GATAD2B: variants seen among roughly 807,000 people sequenced by gnomAD.
GATAD2B encodes transcriptional repressor p66-beta.
A neutral mutation model predicts 64.3 loss-of-function variants in GATAD2B; 8 were observed. That is an observed-to-expected ratio of 0.12 (90% CI 0.07 to 0.22). The LOEUF is 0.22. Ranked by LOEUF, GATAD2B falls within the 10% of genes least tolerant of loss-of-function variation. The pLI, the probability that GATAD2B is intolerant of heterozygous loss-of-function variation, is 1.00. For synonymous variants in GATAD2B, 281 were observed against 271.3 expected (o/e 1.04, Z -0.35); for missense variants, 453 against 752.0 (o/e 0.60, Z 4.65).
intron 1 of GATAD2B, among the ~76,000 whole-genome samples, chr1:153,905,187 A>C (rs1050203181): frequency 2.6e-5 from 4 of 152,074 alleles, no homozygotes; most frequent in African/African-American, 9.7e-5. Flanking sequence ...CAGCCTGACC[A>C]ATATGGTGAA....
At chr1:153,920,812 T>C (rs1678407390) in intron 1 of GATAD2B, among the ~76,000 whole-genome samples, 2 of 152,188 alleles carry the variant, frequency 1.3e-5, no homozygotes, top group Non-Finnish European at 2.9e-5. Context: ...TTCTACCTTG[T>C]TCCATGATGA....
chr1:153,853,379 C>T (rs1404571591), intron 1 of GATAD2B: 3 of 691,048 alleles, frequency 4.3e-6, no homozygotes, highest in Non-Finnish European at 8.0e-6. Flanking sequence ...CGAGTCATCA[C>T]ACTCAGTTGT....
At chr1:153,839,285 T>C (rs2101900023) in intron 1 of GATAD2B, among the ~76,000 whole-genome samples, 1 of 152,164 alleles carries the variant, frequency 6.6e-6, no homozygotes, top group East Asian at 1.9e-4. Context: ...CTGACAACAT[T>C]AAACCAAAAC....
At chr1:153,874,188 G>A (rs1368109656) in intron 1 of GATAD2B, among the ~76,000 whole-genome samples, 1 of 151,804 alleles carries the variant, frequency 6.6e-6, no homozygotes, top group Non-Finnish European at 1.5e-5. Context: ...CTTGAACCCA[G>A]GAGGCAGAGG....
intron 1 of GATAD2B, among the ~76,000 whole-genome samples, chr1:153,860,710 G>A (rs1012446239): frequency 3.3e-5 from 5 of 152,080 alleles, no homozygotes; most frequent in African/African-American, 1.2e-4. Flanking sequence ...ACCCAGGCTG[G>A]AGTGCCGTGG....
chr1:153,854,570 C>T (rs1343186544), intron 1 of GATAD2B, among the ~76,000 whole-genome samples: 1 of 152,154 alleles, frequency 6.6e-6, no homozygotes. Context: ...GCTCAACTAG[C>T]TATACATTTT....
intron 1 of GATAD2B, among the ~76,000 whole-genome samples, chr1:153,863,749 G>C (rs148922528): frequency 1.3e-5 from 2 of 151,678 alleles, no homozygotes; most frequent in Non-Finnish European, 2.9e-5. Flanking sequence ...TCAGCCTCCT[G>C]AGTAGCTGGG....
chr1:153,865,070 A>C (rs1161087528), intron 1 of GATAD2B, among the ~76,000 whole-genome samples: 2 of 151,668 alleles, frequency 1.3e-5, no homozygotes, highest in Non-Finnish European at 2.9e-5. Context: ...ACTCCATTTC[A>C]AAAAAAATAG....
intron 9 of GATAD2B, 58 bp from the exon 10 acceptor site, chr1:153,811,906 G>C: frequency 7.6e-7 from 1 of 1,318,006 alleles, no homozygotes; most frequent in South Asian, 1.2e-5. Context: ...TTAAGCGGGG[G>C]CAAAGATAAG....
At chr1:153,822,739 C>T (rs1009751240) in intron 2 of GATAD2B, among the ~76,000 whole-genome samples, 2 of 152,112 alleles carry the variant, frequency 1.3e-5, no homozygotes, top group Non-Finnish European at 2.9e-5. Flanking sequence ...CCTCGTGATC[C>T]GCCCGCCTCA....
intron 2 of GATAD2B, among the ~76,000 whole-genome samples, chr1:153,825,274 A>G (rs1674831702): frequency 1.3e-5 from 2 of 152,198 alleles, no homozygotes; most frequent in South Asian, 4.1e-4. Context: ...TCATTCACCC[A>G]TATCCTTTTC....
intron 1 of GATAD2B, among the ~76,000 whole-genome samples, chr1:153,905,841 C>G (rs1677910042): frequency 6.6e-6 from 1 of 150,590 alleles, no homozygotes; most frequent in African/African-American, 2.4e-5. Flanking sequence ...CCGAGGTGGG[C>G]AGATCACCTG....
intron 1 of GATAD2B, among the ~76,000 whole-genome samples, chr1:153,862,701 G>A (rs531023812): frequency 6.6e-6 from 1 of 151,650 alleles, no homozygotes; most frequent in African/African-American, 2.4e-5. Context: ...TTGCCACTGC[G>A]CCTGGCCAAT....
chr1:153,804,992 G>A lies in GATAD2B; in HGVS notation c.*5185C>T, dbSNP rs1317938416. Reference sequence around the variant, plus strand: ...AAAAGAAATAAAGGAAACTTAAAGAGAGTTGTGCAAAAGGGTCTTGTTCCC... The same window carrying A: ...AAAAGAAATAAAGGAAACTTAAAGAAAGTTGTGCAAAAGGGTCTTGTTCCC... On this transcript the variant is annotated 3_prime_UTR_variant, in exon 11 of 11. Transcript: ENST00000368655. 1 of 152,048 alleles carries A rather than the reference G, an allele frequency of 6.6e-6. No individual in the cohort carries two copies. The highest frequency in any genetic ancestry group is 1.9e-4 in the East Asian group (1 of 5,192). The allele number at this position is 152,048 out of a possible 1,614,324, so 9.4% of individuals were successfully genotyped here.
chr1:153,828,367 A>G lies in GATAD2B; in HGVS notation c.-1-19T>C. ...ATCCATCCTATGGAAAGAAAAATAC[A>G]AGTAAGATCAGAATAAAGTCCCTTA... On this transcript the variant is annotated intron_variant, in intron 1 of 10. Coordinates refer to ENST00000368655, the MANE Select transcript of GATAD2B (RefSeq NM_020699.4). 6.3e-7 allele frequency: 1 copy of G among 1,582,868 alleles called. No individual in the cohort carries two copies. Among genetic ancestry groups the G allele is most frequent in the South Asian group, 1.1e-5 (1 of 90,194 alleles).
At chr1:153,818,248 A>C in intron 4 of GATAD2B, 77 bp from the exon 5 acceptor site, 1 of 1,338,422 alleles carries the variant, frequency 7.5e-7, no homozygotes, top group Non-Finnish European at 1.0e-6. Flanking sequence ...GACTTTAAAA[A>C]TTCCTGGTCA....
intron 1 of GATAD2B, among the ~76,000 whole-genome samples, chr1:153,878,944 A>C (rs1570983271): frequency 7.2e-6 from 1 of 139,584 alleles, no homozygotes; most frequent in Admixed American, 7.1e-5. Context: ...TGCCTGGCTA[A>C]TTTTTTTTTT....
intron 10 of GATAD2B, among the ~76,000 whole-genome samples, chr1:153,810,702 G>A (rs967713588): frequency 4.0e-5 from 6 of 150,686 alleles, no homozygotes; most frequent in East Asian, 2.0e-4. Flanking sequence ...ATGATCCAAC[G>A]GCCTCAGCCT....
intron 1 of GATAD2B, chr1:153,852,886 A>G: frequency 2.6e-6 from 2 of 773,610 alleles, no homozygotes; most frequent in Non-Finnish European, 4.6e-6. Context: ...TGATTTGGTG[A>G]GCGCATGTTC....
Sources: allele counts gnomAD v4.1 joint callset (sites outside exome capture counted in the v4.1 genomes callset), GRCh38; gene constraint gnomAD v4.1.1; transcripts MANE v1.5; gene names NCBI Gene and HGNC (gene_info 2026-07-23, HGNC 2026-07-21).